The following QRICH2 variants were observed in gnomAD, a reference collection of about 807,000 sequenced individuals.
QRICH2 encodes glutamine-rich protein 2.
QRICH2 carries 119 observed loss-of-function variants against 168.3 expected under a neutral mutation model. The ratio of observed to expected loss-of-function variants is 0.71; its 90% confidence interval spans 0.61 to 0.82. QRICH2 has a LOEUF of 0.82. Among genes scored for constraint, QRICH2 ranks in the 40% least tolerant of loss-of-function variants. QRICH2 has a pLI of 0.00. For synonymous variants in QRICH2, 894 were observed against 951.2 expected (o/e 0.94, Z 1.11); for missense variants, 2,241 against 2,491.6 (o/e 0.90, Z 2.14).
chr17:76,274,110 GT>G lies in QRICH2; in HGVS notation c.5632del (p.Thr1878ArgfsTer16). On this transcript the variant is annotated frameshift_variant, in exon 19 of 19. Coordinates refer to ENST00000680821, the MANE Select transcript of QRICH2 (RefSeq NM_001388453.1). LOFTEE classifies it high-confidence loss of function. ...AGCGGTGCTGGACCGCGGCCCCCGC[GT>G]GGGCTCCTCGAGCCCCTCCCCAGGA... ...MPPGEGLEEP[T>X]RGPRSSTAQ The G allele has an allele frequency of 1.3e-6, 2 of 1,583,774 alleles. No individual in the cohort carries two copies. Among genetic ancestry groups the G allele is most frequent in the South Asian group, 2.3e-5 (2 of 87,842 alleles).
chr17:76,294,856 G>A (rs1568121864), intron 3 of QRICH2, among the ~76,000 whole-genome samples: 1 of 151,472 alleles, frequency 6.6e-6, no homozygotes, highest in Admixed American at 6.6e-5. Context: ...AAAAGATGGG[G>A]AAAACTGCAA....
rs1406153005 is a variant in QRICH2 at position 76,292,044 on chromosome 17, C to T, written c.2683G>A (p.Gly895Ser). The change falls in exon 4 of 19, where the codon GGT (glycine) becomes AGT (serine). Residue 895 changes from glycine to serine, a missense_variant. Physicochemically the swap from Gly to Ser is moderately conservative, Grantham distance 56. This residue lies in a region of QRICH2 where 2,047 missense variants were observed against 2,303.8 expected (regional missense o/e 0.89). Transcript: ENST00000680821. ...TGGACCAAACCAGGCTGATCTGCAC[C>T]AGGTTGGATCAAACCACGCTGGTCC... ...GMDQRGLIQPGADQPGLVQPG... is the reference protein window; with the variant it reads ...GMDQRGLIQPSADQPGLVQPG... The T allele has an allele frequency of 6.2e-7, 1 of 1,614,174 alleles. No homozygotes were observed. The highest frequency in any genetic ancestry group is 8.5e-7 in the Non-Finnish European group (1 of 1,180,018).
At position 76,307,535 on chromosome 17, in the gene QRICH2, A is replaced by C. The variant is rs2071009649; in HGVS notation, c.464T>G (p.Val155Gly). The C allele has an allele frequency of 6.2e-7, 1 of 1,602,670 alleles. No homozygotes were observed. The highest frequency in any genetic ancestry group is 8.5e-7 in the Non-Finnish European group (1 of 1,175,178). The change falls in exon 1 of 19, where the codon GTG (valine) becomes GGG (glycine). Residue 155 changes from valine to glycine, a missense_variant. This residue lies in a region of QRICH2 where 2,047 missense variants were observed against 2,303.8 expected (regional missense o/e 0.89). Coordinates refer to ENST00000680821, the MANE Select transcript of QRICH2 (RefSeq NM_001388453.1). This position sits in a 1 kb window ranked among gnomAD's most constrained non-coding sequence, Gnocchi z 5.3. ...LEWPEEQEVGVRAFDRVRTGS... is the reference protein window; with the variant it reads ...LEWPEEQEVGGRAFDRVRTGS... ...AGTCCGCACCCTATCGAACGCCCGCACGCCCACCTCCTGCTCCTCCGGCCA... is the reference window on the plus strand; with the variant it reads ...AGTCCGCACCCTATCGAACGCCCGCCCGCCCACCTCCTGCTCCTCCGGCCA...
rs2070772577 is a variant in QRICH2 at position 76,280,747 on chromosome 17, C to G, written c.4387-19G>C. 1 of 1,613,960 alleles carries G rather than the reference C, an allele frequency of 6.2e-7. No individual in the cohort carries two copies. The highest frequency in any genetic ancestry group is 1.1e-5 in the South Asian group (1 of 91,084). On this transcript the variant is annotated intron_variant, in intron 9 of 18. Transcript: ENST00000680821. This position sits in a 1 kb window ranked among gnomAD's most constrained non-coding sequence, Gnocchi z 7.4. ...ACAGCATCTGGGGAGGCCAAGTGAACAGAGAAAAAAAGAGCCAGCAGCTGC... is the reference window on the plus strand; with the variant it reads ...ACAGCATCTGGGGAGGCCAAGTGAAGAGAGAAAAAAAGAGCCAGCAGCTGC...
rs755011142 is a variant in QRICH2, at chr17:76,293,442, C to T, written c.1285G>A (p.Asp429Asn). Residue 429 changes from aspartate to asparagine, a missense_variant, in exon 4 of 19, where the codon GAT (aspartate) becomes AAT (asparagine). Around this residue, in one of 3 missense-constraint regions of QRICH2, gnomAD observed 2,047 missense variants for 2,303.8 expected, o/e 0.89. Coordinates refer to ENST00000680821, the MANE Select transcript of QRICH2 (RefSeq NM_001388453.1). ...ACGACAAATGGTATCAATTCCCGAT[C>T]ATCCATTTCAGGTGGTGGCACACCA... ...QLGVPPPEMD[D>N]RELIPFVVDE... 6.2e-7 allele frequency: 1 copy of T among 1,614,190 alleles called. No homozygotes were observed. The highest frequency in any genetic ancestry group is 8.5e-7 in the Non-Finnish European group (1 of 1,180,028).
chr17:76,287,060 A>G, intron 7 of QRICH2, 132 bp downstream of exon 7: 1 of 343,196 alleles, frequency 2.9e-6, no homozygotes, highest in Non-Finnish European at 5.2e-6. Context: ...ACACACACAC[A>G]CACACACACA....
Position 76,278,051 on chromosome 17 carries a change from G to A in QRICH2, c.5055C>T (p.Ala1685=). 2 of 1,613,928 alleles carry A rather than the reference G, an allele frequency of 1.2e-6. No individual in the cohort carries two copies. The highest frequency in any genetic ancestry group is 1.7e-6 in the Non-Finnish European group (2 of 1,180,034). Residue 1685 remains alanine (A), a synonymous_variant, in exon 15 of 19, where the codon GCC becomes GCT. Coordinates refer to ENST00000680821, the MANE Select transcript of QRICH2 (RefSeq NM_001388453.1). The part of the protein sequence containing the change: ...VQIHFGGSTK[A]SSQIIRELLH... ...GCAGCTCGCGGATTATCTGGCTGCT[G>A]GCCTTGGTGGAGCCCCCGAAGTGGA... is the stretch of plus-strand genomic sequence containing the variant.
intron 3 of QRICH2, chr17:76,301,480 A>T: frequency 4.3e-6 from 1 of 230,430 alleles, no homozygotes; most frequent in South Asian, 3.9e-5. Flanking sequence ...AGGCAGGAGG[A>T]TTGCTTGAGC....
In QRICH2 at chr17:76,293,376, C is replaced by A; in HGVS notation, c.1351G>T (p.Asp451Tyr). 1 of 1,614,220 alleles carries A rather than the reference C, an allele frequency of 6.2e-7. No homozygotes were observed. Among genetic ancestry groups the A allele is most frequent in the East Asian group, 2.2e-5 (1 of 44,890 alleles). The change falls in exon 4 of 19, where the codon GAC becomes TAC. Residue 451 changes from aspartate (D) to tyrosine (Y), a missense_variant. Physicochemically the swap from Asp to Tyr is radical, Grantham distance 160. This residue lies in a region of QRICH2 where 2,047 missense variants were observed against 2,303.8 expected (regional missense o/e 0.89). Coordinates refer to ENST00000680821, the MANE Select transcript of QRICH2 (RefSeq NM_001388453.1). ...CTAGGTAGTTCCAATCCTTGCTGGTCTCTGCCAGGTACTGATGGTGGCAAC... is the reference window on the plus strand; with the variant it reads ...CTAGGTAGTTCCAATCCTTGCTGGTATCTGCCAGGTACTGATGGTGGCAAC... ...RMLPPSVPGR[D>Y]QQGLELPSTD...
rs199613933 is a variant in QRICH2, at chr17:76,287,158, T to C, written c.4011+34A>G. 21 of 1,493,656 alleles carry C rather than the reference T, an allele frequency of 1.4e-5. No individual in the cohort carries two copies. The Middle Eastern group carries it at 5.1e-4, about 36-fold the overall frequency. 92.5% of individuals were successfully genotyped at this position (1,493,656 alleles called of 1,614,324 possible). On this transcript the variant is annotated intron_variant, in intron 7 of 18. Coordinates refer to ENST00000680821, the MANE Select transcript of QRICH2 (RefSeq NM_001388453.1). ...CCAAGCCAGCTCTGAGAAGGGCCCT[T>C]GGTCCCTGGAGCTAAAGAGTGGGGA...
chr17:76,305,001 GCACA>G (rs1320816733), intron 1 of QRICH2, 60 bp from the exon 2 acceptor site: 6 of 1,078,848 alleles, frequency 5.6e-6, no homozygotes, highest in Middle Eastern at 2.0e-4. Context: ...ACACTCACAT[GCACA>G]CACACACAGA....
chr17:76,303,899 C>T (rs993918656), intron 3 of QRICH2, among the ~76,000 whole-genome samples: 1 of 148,894 alleles, frequency 6.7e-6, no homozygotes, highest in Non-Finnish European at 1.5e-5. Context: ...AAAAAGTCGC[C>T]ACCAGCAAAG....
chr17:76,292,844 GAC>G lies in QRICH2; in HGVS notation c.1881_1882del (p.Gln627HisfsTer8). 5 of 1,597,134 alleles carry G rather than the reference GAC, an allele frequency of 3.1e-6. No homozygotes were observed. Among genetic ancestry groups the G allele is most frequent in the Admixed American group, 3.4e-5 (2 of 58,614 alleles). On this transcript the variant is annotated frameshift_variant, in exon 4 of 19. Coordinates refer to ENST00000680821, the MANE Select transcript of QRICH2 (RefSeq NM_001388453.1). LOFTEE classifies it high-confidence loss of function. Reference sequence around the variant, plus strand: ...ATCTCTACCAGGTTGGGCCAAACCAGACTGATCCATTCCAGGCCAGACCAAAC... The same window carrying G: ...ATCTCTACCAGGTTGGGCCAAACCAGTGATCCATTCCAGGCCAGACCAAAC...
upstream of QRICH2, among the ~76,000 whole-genome samples, chr17:76,308,902 T>C (rs1057138953): frequency 4.0e-5 from 6 of 151,126 alleles, no homozygotes; most frequent in African/African-American, 1.5e-4. Context: ...CGTGGTACCA[T>C]GCCCGGCTAA....
In QRICH2 at chr17:76,305,034, C is replaced by T. The variant is rs1268794781; in HGVS notation, c.535-93G>A. The T allele has an allele frequency of 3.5e-6, 3 of 845,500 alleles. No individual in the cohort carries two copies. The East Asian group carries it at 7.3e-5, about 20-fold the overall frequency. 52.4% of individuals were successfully genotyped at this position (845,500 alleles called of 1,614,324 possible). A position where few individuals can be genotyped will look rare whatever the true frequency, so the allele number is the denominator to read the frequency against. ...ACACAGATGCGCACACACACTCTCACACTCAGACACACACATGCATACACG... is the reference window on the plus strand; with the variant it reads ...ACACAGATGCGCACACACACTCTCATACTCAGACACACACATGCATACACG... On this transcript the variant is annotated intron_variant, in intron 1 of 18. Coordinates refer to ENST00000680821, the MANE Select transcript of QRICH2 (RefSeq NM_001388453.1).
chr17:76,299,535 G>A (rs2070860703), intron 3 of QRICH2, among the ~76,000 whole-genome samples: 1 of 151,900 alleles, frequency 6.6e-6, no homozygotes, highest in Non-Finnish European at 1.5e-5. Context: ...TCAGAAGTTC[G>A]AGCCCAGCCT....
In QRICH2 at chr17:76,291,066, G is replaced by A; in HGVS notation, c.3661C>T (p.Gln1221Ter). 5 of 1,614,100 alleles carry A rather than the reference G, an allele frequency of 3.1e-6. 1 individual carries two copies. The South Asian group carries it at 3.3e-5, about 11-fold the overall frequency. Residue 1221 changes from glutamine (Q) to a stop codon, truncating the protein, a stop_gained, in exon 4 of 19, where the codon CAG becomes TAG. Transcript: ENST00000680821. LOFTEE classifies it high-confidence loss of function. ...TTCTCCAAGTCGGTTTGGCCGGCCT[G>A]CTCCTCATCCAGATCCTTCATACTC... is the stretch of plus-strand genomic sequence containing the variant. The part of the protein sequence containing the change: ...KESMKDLDEE[Q>*]AGQTDLEKIQ...
Position 76,307,161 on chromosome 17 carries a change from AG to A in QRICH2, c.534+303del, listed in dbSNP as rs1052967430. The stretch of plus-strand genomic sequence containing the variant: ...CTCCCGTAAACAGGGGCTAGGAAGG[AG>A]GGGGTGGGATGGGGCCACTACACTT... On this transcript the variant is annotated intron_variant, in intron 1 of 18. Transcript: ENST00000680821. The surrounding 1 kb of genome is among the most constrained non-coding windows in gnomAD (Gnocchi z 5.3). 6.8e-6 allele frequency among the ~76,000 whole-genome samples: 1 copy of A among 146,204 alleles called. No homozygotes were observed. The highest frequency in any genetic ancestry group is 1.5e-5 in the Non-Finnish European group (1 of 66,014).
In QRICH2 at chr17:76,280,634, T is replaced by A; in HGVS notation, c.4461+20A>T. 2 of 1,613,912 alleles carry A rather than the reference T, an allele frequency of 1.2e-6. No individual in the cohort carries two copies. Among genetic ancestry groups the A allele is most frequent in the Non-Finnish European group, 8.5e-7 (1 of 1,179,846 alleles). On this transcript the variant is annotated intron_variant, in intron 10 of 18. Transcript: ENST00000680821. The surrounding 1 kb of genome is among the most constrained non-coding windows in gnomAD (Gnocchi z 7.4). ...AGACCGCCCTGGGACACAGCGTGGCTCCTGGGGCCTGGCACCCACCACATC... is the reference window on the plus strand; with the variant it reads ...AGACCGCCCTGGGACACAGCGTGGCACCTGGGGCCTGGCACCCACCACATC...
Sources: gnomAD v4.1 joint callset for allele counts (sites outside exome capture counted in the v4.1 genomes callset) on GRCh38, gnomAD v4.1.1 for gene constraint, gnomAD v4.1.1 regional missense constraint, Gnocchi (gnomAD v3.1) non-coding constraint, MANE v1.5 for transcripts, NCBI Gene and HGNC (gene_info 2026-07-23, HGNC 2026-07-21) for gene names.